Variants in STAT1 observed in about 807,000 individuals in gnomAD.
The protein encoded by STAT1 is signal transducer and activator of transcription 1.
In STAT1, 24 loss-of-function variants were observed where a neutral mutation model predicts 111.7. That is an observed-to-expected ratio of 0.21 (90% confidence interval 0.16 to 0.30). The LOEUF (loss-of-function observed/expected upper bound fraction) is 0.30. Among genes scored for constraint, STAT1 ranks in the 10% least tolerant of loss-of-function variants. The pLI is 1.00. For missense variants in STAT1, 351 were observed against 911.9 expected (o/e 0.38, Z 7.92); for synonymous variants, 332 against 326.5 (o/e 1.02, Z -0.18).
At position 190,996,308 on chromosome 2, in the gene STAT1, T is replaced by C. The variant is rs45476092; in HGVS notation, c.786-1089A>G. Reference sequence around the variant, plus strand: ...AACCTTTTAAAAGTGTCTTCTTCCCTGGGAAAAGTATCTACTTCACTTTCT... The same window carrying C: ...AACCTTTTAAAAGTGTCTTCTTCCCCGGGAAAAGTATCTACTTCACTTTCT... On this transcript the variant is annotated intron_variant, in intron 9 of 24. Coordinates refer to ENST00000361099, the MANE Select transcript of STAT1 (RefSeq NM_007315.4). The surrounding 1 kb of genome is among the most constrained non-coding windows in gnomAD (Gnocchi z 4.5). Among the ~76,000 whole-genome samples, 5,615 of 152,310 alleles carry C rather than the reference T, an allele frequency of 0.037. 212 individuals are homozygous for C. The highest frequency in any genetic ancestry group is 0.12 in the Admixed American group (1,781 of 15,308).
rs200822089 is a variant in STAT1 at position 190,987,089 on chromosome 2, A to G, written c.1098-21T>C. 82 of 1,566,990 alleles carry G rather than the reference A, an allele frequency of 5.2e-5. No individual in the cohort carries two copies. The African/African-American group carries it at 1.1e-3, about 20-fold the overall frequency. ...CATCTCTGCAAAAAAAATATATATA[A>G]TCACATATGCGTATTTAAAATTTGA... On this transcript the variant is annotated intron_variant, in intron 12 of 24. Transcript: ENST00000361099. This position sits in a 1 kb window ranked among gnomAD's most constrained non-coding sequence, Gnocchi z 4.0.
rs943180081 is a variant in STAT1 at position 190,992,758 on chromosome 2, T to C, written c.945-1438A>G. The C allele has an allele frequency of 5.7e-5, 44 of 769,856 alleles. No homozygotes were observed. In the African/African-American group the frequency reaches 7.7e-4, roughly 13 times the overall value. The allele number at this position is 769,856 out of a possible 1,614,324, so 47.7% of individuals were successfully genotyped here. Reference sequence around the variant, plus strand: ...AGCTTCTTAATCTCAGCTGCCATCATCATGGAACACAGTTCTACATTCATT... The same window carrying C: ...AGCTTCTTAATCTCAGCTGCCATCACCATGGAACACAGTTCTACATTCATT... On this transcript the variant is annotated intron_variant, in intron 10 of 24. Coordinates refer to ENST00000361099, the MANE Select transcript of STAT1 (RefSeq NM_007315.4).
Position 190,993,668 on chromosome 2 carries a change from C to G in STAT1, c.944+1393G>C. On this transcript the variant is annotated intron_variant, in intron 10 of 24. Transcript: ENST00000361099. The surrounding 1 kb of genome is among the most constrained non-coding windows in gnomAD (Gnocchi z 4.1). ...AACTGAAGGAAAGGAATGAGATAGG[C>G]TGTTCTGGGAGAGTAAATGTCTTCC... 1 of 495,468 alleles carries G rather than the reference C, an allele frequency of 2.0e-6. No individual in the cohort carries two copies. The highest frequency in any genetic ancestry group is 1.8e-5 in the South Asian group (1 of 56,764). 30.7% of individuals were successfully genotyped at this position (495,468 alleles called of 1,614,324 possible).
Position 191,004,606 on chromosome 2 carries a change from C to T in STAT1, c.372+2957G>A, listed in dbSNP as rs114544378. On this transcript the variant is annotated intron_variant, in intron 5 of 24. Transcript: ENST00000361099. The surrounding 1 kb of genome is among the most constrained non-coding windows in gnomAD (Gnocchi z 5.0). Reference sequence around the variant, plus strand: ...GGGTTTAAATTCCAAACCTACTTCTCATTAGCTCTGTGGCTCTGAGTGAAG... The same window carrying T: ...GGGTTTAAATTCCAAACCTACTTCTTATTAGCTCTGTGGCTCTGAGTGAAG... 5.7e-3 allele frequency among the ~76,000 whole-genome samples: 876 copies of T among 152,350 alleles called. 7 individuals carry two copies. The highest frequency in any genetic ancestry group is 8.7e-3 in the South Asian group (42 of 4,830).
rs1448962113 is a variant in STAT1 at position 190,970,976 on chromosome 2, C to T, written c.2239-259G>A. Among the ~76,000 whole-genome samples, 2 of 152,232 alleles carry T rather than the reference C, an allele frequency of 1.3e-5. No individual in the cohort carries two copies. The highest frequency in any genetic ancestry group is 2.9e-5 in the Non-Finnish European group (2 of 68,048). On this transcript the variant is annotated intron_variant, in intron 24 of 24. Coordinates refer to ENST00000361099, the MANE Select transcript of STAT1 (RefSeq NM_007315.4). The surrounding 1 kb of genome is among the most constrained non-coding windows in gnomAD (Gnocchi z 5.4). ...TAATTTTGTGAATCCATCCAGACTG[C>T]ATAAAGCTTTTTGCTGTTATGCAAG...
At chr2:191,011,859 C>T (rs971123813) in intron 2 of STAT1, among the ~76,000 whole-genome samples, 4 of 152,070 alleles carry the variant, frequency 2.6e-5, no homozygotes, top group Non-Finnish European at 2.9e-5. Context: ...TCGGGCAGTT[C>T]TTTATAGCAG....
Position 190,970,696 on chromosome 2 carries a change from T to C in STAT1, c.*7A>G, listed in dbSNP as rs773624561. 2 of 1,613,518 alleles carry C rather than the reference T, an allele frequency of 1.2e-6. No homozygotes were observed. Among genetic ancestry groups the C allele is most frequent in the South Asian group, 2.2e-5 (2 of 91,078 alleles). ...TGTCGCCAGAGAAGATGAAAAAAAT[T>C]CATGCTCTATACTGTGTTCATCTGT... is the stretch of plus-strand genomic sequence containing the variant. On this transcript the variant is annotated 3_prime_UTR_variant, in exon 25 of 25. Transcript: ENST00000361099. The surrounding 1 kb of genome is among the most constrained non-coding windows in gnomAD (Gnocchi z 5.4).
chr2:191,001,884 G>A (rs1694296968), intron 5 of STAT1, among the ~76,000 whole-genome samples: 1 of 152,176 alleles, frequency 6.6e-6, no homozygotes, highest in Non-Finnish European at 1.5e-5. Context: ...GTGGTAACCA[G>A]TGATCCCTGT....
rs935152665 is a variant in STAT1, at chr2:190,978,718, C to T, written c.1873+138G>A. ...TTTGTGGTGGTTTATTAAATCCTAT[C>T]GGGGGCTCATTTGGGGTAAGTATAA... On this transcript the variant is annotated intron_variant, in intron 21 of 24. Coordinates refer to ENST00000361099, the MANE Select transcript of STAT1 (RefSeq NM_007315.4). This position sits in a 1 kb window ranked among gnomAD's most constrained non-coding sequence, Gnocchi z 6.1. 36 of 1,067,392 alleles carry T rather than the reference C, an allele frequency of 3.4e-5. No individual in the cohort carries two copies. Among genetic ancestry groups the T allele is most frequent in the Non-Finnish European group, 4.4e-5 (32 of 720,434 alleles). The allele number at this position is 1,067,392 out of a possible 1,614,324, so 66.1% of individuals were successfully genotyped here.
Position 191,007,620 on chromosome 2 carries a change from A to T in STAT1, c.315T>A (p.Ile105=). ...TCCTTTCTTCCTTCAGACAGCTGTA[A>T]ATGATCATAGACATCTGGATTGGGT... The part of the protein sequence containing the change: ...QEDPIQMSMI[I]YSCLKEERKI... The change falls in exon 5 of 25, where the codon ATT becomes ATA. Residue 105 remains isoleucine (I), a synonymous_variant. Coordinates refer to ENST00000361099, the MANE Select transcript of STAT1 (RefSeq NM_007315.4). The surrounding 1 kb of genome is among the most constrained non-coding windows in gnomAD (Gnocchi z 4.2). 1.2e-6 allele frequency: 2 copies of T among 1,613,788 alleles called. No homozygotes were observed. The highest frequency in any genetic ancestry group is 1.7e-6 in the Non-Finnish European group (2 of 1,179,886).
rs193232634 is a variant in STAT1 at position 191,004,754 on chromosome 2, G to A, written c.372+2809C>T. On this transcript the variant is annotated intron_variant, in intron 5 of 24. Transcript: ENST00000361099. The surrounding 1 kb of genome is among the most constrained non-coding windows in gnomAD (Gnocchi z 5.0). ...ATGTTTATAAAGTGCTTAGCACAGG[G>A]CCTGAAACATGATAAGCACTCAGCA... Among the ~76,000 whole-genome samples, 5 of 152,264 alleles carry A rather than the reference G, an allele frequency of 3.3e-5. No homozygotes were observed. The East Asian group carries it at 9.6e-4, about 29-fold the overall frequency.
Position 191,010,645 on chromosome 2 carries a change from T to C in STAT1, c.-1-641A>G, listed in dbSNP as rs567182331. Among the ~76,000 whole-genome samples the C allele has an allele frequency of 3.6e-4, 29 of 79,784 alleles. 1 individual carries two copies. The South Asian group carries it at 8.9e-3, about 25-fold the overall frequency. 52.3% of individuals were successfully genotyped at this position (79,784 alleles called of 152,430 possible). ...TTTAACTCAAATATTTTCAAACTTC[T>C]GTTTTATATTTATGATTCATATGGT... On this transcript the variant is annotated intron_variant, in intron 2 of 24. Transcript: ENST00000361099.
rs1695232405 is a variant in STAT1, at chr2:191,012,694, G to C, written c.-2+831C>G. ...CCTATGATCTGTCCATTCCTAGGCA[G>C]ATTTCCACCCCACCCCATCTTCATC... On this transcript the variant is annotated intron_variant, in intron 2 of 24. Transcript: ENST00000361099. The surrounding 1 kb of genome is among the most constrained non-coding windows in gnomAD (Gnocchi z 4.0). Among the ~76,000 whole-genome samples the C allele has an allele frequency of 6.6e-6, 1 of 152,154 alleles. No individual in the cohort carries two copies. Among genetic ancestry groups the C allele is most frequent in the African/African-American group, 2.4e-5 (1 of 41,442 alleles).
In STAT1 at chr2:190,989,159, C is replaced by T. The variant is rs116497095; in HGVS notation, c.1097+456G>A. Among the ~76,000 whole-genome samples the T allele has an allele frequency of 3.6e-3, 551 of 152,280 alleles. 4 individuals carry two copies. Among genetic ancestry groups the T allele is most frequent in the African/African-American group, 0.012 (515 of 41,556 alleles). ...GACCACAGAATCATGGCAGCCTGGA[C>T]GTTCAGCCTCGGGTTGGATCAGGGG... On this transcript the variant is annotated intron_variant, in intron 12 of 24. Transcript: ENST00000361099. This position sits in a 1 kb window ranked among gnomAD's most constrained non-coding sequence, Gnocchi z 5.0.
In STAT1 at chr2:190,974,802, C is replaced by A. The variant is rs1691774630; in HGVS notation, c.2238+28G>T. On this transcript the variant is annotated intron_variant, in intron 24 of 24. Coordinates refer to ENST00000361099, the MANE Select transcript of STAT1 (RefSeq NM_007315.4). The surrounding 1 kb of genome is among the most constrained non-coding windows in gnomAD (Gnocchi z 4.8). ...TCTGAGCACACACACTTATTGAGAG[C>A]TACACACAGGCCAGCCGTGGTACTC... 5 of 1,583,822 alleles carry A rather than the reference C, an allele frequency of 3.2e-6. No individual in the cohort carries two copies. Among genetic ancestry groups the A allele is most frequent in the Non-Finnish European group, 4.3e-6 (5 of 1,152,532 alleles).
In STAT1 at chr2:190,974,035, T is replaced by C. The variant is rs938211892; in HGVS notation, c.2238+795A>G. On this transcript the variant is annotated intron_variant, in intron 24 of 24. Coordinates refer to ENST00000361099, the MANE Select transcript of STAT1 (RefSeq NM_007315.4). This position sits in a 1 kb window ranked among gnomAD's most constrained non-coding sequence, Gnocchi z 4.8. ...GTAAGGAAGAAAGGCCAGTAATAAC[T>C]CAGGATATTTTTTGGAAGCATTAAA... Among the ~76,000 whole-genome samples the C allele has an allele frequency of 1.3e-5, 2 of 152,122 alleles. No individual in the cohort carries two copies. Among genetic ancestry groups the C allele is most frequent in the African/African-American group, 4.8e-5 (2 of 41,400 alleles).
Position 190,969,836 on chromosome 2 carries a change from T to G in STAT1, c.*867A>C, listed in dbSNP as rs1374073561. On this transcript the variant is annotated 3_prime_UTR_variant, in exon 25 of 25. Transcript: ENST00000361099. ...CCCATTTAAGAAACATGAATTAAAT[T>G]TCTGAGTTTATCTACATCTATGGTT... 1 of 152,224 alleles carries G rather than the reference T, an allele frequency of 6.6e-6. No individual in the cohort carries two copies. The highest frequency in any genetic ancestry group is 1.5e-5 in the Non-Finnish European group (1 of 68,028). 9.4% of individuals were successfully genotyped at this position (152,224 alleles called of 1,614,324 possible).
Position 190,975,746 on chromosome 2 carries a change from A to C in STAT1, c.2135+66T>G. ...AAAGTAAAATACAAGCATCTTCAAC[A>C]GGCCCCAGCCAGGAGCAAGGCTGGC... On this transcript the variant is annotated intron_variant, in intron 23 of 24. Coordinates refer to ENST00000361099, the MANE Select transcript of STAT1 (RefSeq NM_007315.4). This position sits in a 1 kb window ranked among gnomAD's most constrained non-coding sequence, Gnocchi z 5.9. The C allele has an allele frequency of 6.2e-7, 1 of 1,608,410 alleles. No homozygotes were observed.
At chr2:190,991,139 G>T in intron 11 of STAT1, 89 bp downstream of exon 11, 1 of 1,220,730 alleles carries the variant, frequency 8.2e-7, no homozygotes, top group Non-Finnish European at 1.2e-6. Flanking sequence ...TTCCTCAAAA[G>T]CACCCTATAT....
Sources: gnomAD v4.1 joint callset for allele counts (sites outside exome capture counted in the v4.1 genomes callset) on GRCh38, gnomAD v4.1.1 for gene constraint, Gnocchi (gnomAD v3.1) non-coding constraint, MANE v1.5 for transcripts, NCBI Gene and HGNC (gene_info 2026-07-23, HGNC 2026-07-21) for gene names.